LRMDA: variants seen among roughly 807,000 people sequenced by gnomAD.
LRMDA encodes leucine rich melanocyte differentiation associated.
LRMDA carries 18 observed loss-of-function variants against 29.8 expected under a neutral mutation model. That is an observed-to-expected ratio of 0.60 (90% confidence interval 0.42 to 0.90). LRMDA has a LOEUF of 0.90. Ranked by LOEUF, LRMDA falls within the 40% of genes least tolerant of loss-of-function variation. The pLI is 0.00. For synonymous variants in LRMDA, 125 were observed against 109.4 expected (o/e 1.14, Z -0.89); for missense variants, 273 against 273.9 (o/e 1.00, Z 0.02).
intron 6 of LRMDA, among the ~76,000 whole-genome samples, chr10:76,355,397 G>A (rs886068447): frequency 3.3e-5 from 5 of 152,100 alleles, no homozygotes; most frequent in African/African-American, 9.7e-5. Flanking sequence ...AAATTATGGA[G>A]CCCTTTTAAG....
At chr10:76,031,980 ATTC>A (rs1848157493) in intron 2 of LRMDA, among the ~76,000 whole-genome samples, 1 of 152,170 alleles carries the variant, frequency 6.6e-6, no homozygotes, top group South Asian at 2.1e-4. Context: ...GAGAGATCGA[ATTC>A]TTAGCACAGC....
intron 6 of LRMDA, among the ~76,000 whole-genome samples, chr10:76,467,633 C>G (rs1842577236): frequency 6.6e-6 from 1 of 152,060 alleles, no homozygotes; most frequent in Admixed American, 6.6e-5. Context: ...GAATTTCAGC[C>G]TTTGTAATTA....
chr10:76,037,650 A>T (rs1848273844), intron 3 of LRMDA, among the ~76,000 whole-genome samples: 1 of 152,178 alleles, frequency 6.6e-6, no homozygotes, highest in South Asian at 2.1e-4. Context: ...CTTGGTGAAG[A>T]TACTTTCTCA....
At chr10:75,989,072 G>A (rs1847313006) in intron 2 of LRMDA, among the ~76,000 whole-genome samples, 1 of 152,124 alleles carries the variant, frequency 6.6e-6, no homozygotes, top group Non-Finnish European at 1.5e-5. Context: ...CAGGTTGCAT[G>A]CCTTCCATTG....
At chr10:76,153,816 G>A (rs16932910) in intron 5 of LRMDA, among the ~76,000 whole-genome samples, 21,302 of 152,078 alleles carry the variant, frequency 0.14, 1,674 homozygotes, top group East Asian at 0.24. Context: ...GAACAGTCAC[G>A]AAACAAGATA....
intron 2 of LRMDA, among the ~76,000 whole-genome samples, chr10:75,941,313 T>A (rs1846387752): frequency 6.6e-6 from 1 of 152,196 alleles, no homozygotes; most frequent in Non-Finnish European, 1.5e-5. Flanking sequence ...AAATAACTAA[T>A]GACTGTAAAG....
chr10:76,340,796 T>C (rs752038514), intron 6 of LRMDA, among the ~76,000 whole-genome samples: 20 of 151,906 alleles, frequency 1.3e-4, no homozygotes, highest in Non-Finnish European at 7.4e-5. Context: ...GCAATAAAGA[T>C]TGGGGTAAAT....
intron 6 of LRMDA, among the ~76,000 whole-genome samples, chr10:76,533,599 T>C (rs998890634): frequency 1.3e-5 from 2 of 152,196 alleles, no homozygotes; most frequent in South Asian, 2.1e-4. Flanking sequence ...TTTTTAATTT[T>C]CAGTTAAAGG....
At chr10:75,526,868 A>AC (rs1845419813) in intron 2 of LRMDA, among the ~76,000 whole-genome samples, 1 of 152,096 alleles carries the variant, frequency 6.6e-6, no homozygotes, top group Admixed American at 6.5e-5. Flanking sequence ...CAAAAAAAAA[A>AC]AAAACAAAAC....
At chr10:76,117,451 G>GAAAA (rs1564657153) in intron 5 of LRMDA, among the ~76,000 whole-genome samples, 1 of 152,190 alleles carries the variant, frequency 6.6e-6, no homozygotes, top group Non-Finnish European at 1.5e-5. Flanking sequence ...TCCCAGAGTA[G>GAAAA]AGTCCCCATG....
intron 2 of LRMDA, among the ~76,000 whole-genome samples, chr10:75,742,546 C>T (rs1204990224): frequency 6.6e-6 from 1 of 152,186 alleles, no homozygotes; most frequent in Non-Finnish European, 1.5e-5. Context: ...TCATGATAAG[C>T]CACATGGGGA....
chr10:75,622,418 C>T (rs11001442), intron 2 of LRMDA, among the ~76,000 whole-genome samples: 2,046 of 152,272 alleles, frequency 0.013, 37 homozygotes, highest in African/African-American at 0.044. Flanking sequence ...TTCCTCCAAT[C>T]CCCCTTTTGA....
chr10:75,828,877 T>C (rs1844290401), intron 2 of LRMDA, among the ~76,000 whole-genome samples: 1 of 152,196 alleles, frequency 6.6e-6, no homozygotes, highest in African/African-American at 2.4e-5. Flanking sequence ...TTTCTTGTAA[T>C]TTATTCAGCC....
At chr10:76,342,685 A>C (rs1263653131) in intron 6 of LRMDA, among the ~76,000 whole-genome samples, 1 of 152,120 alleles carries the variant, frequency 6.6e-6, no homozygotes, top group African/African-American at 2.4e-5. Context: ...AACAAGAGAA[A>C]ACTAAAATAA....
intron 5 of LRMDA, among the ~76,000 whole-genome samples, chr10:76,312,610 A>G (rs952018562): frequency 5.9e-5 from 9 of 152,098 alleles, no homozygotes; most frequent in African/African-American, 2.2e-4. Context: ...ACAGTCCTAC[A>G]AACCCAGTTG....
chr10:76,173,568 A>G (rs189566383), intron 5 of LRMDA, among the ~76,000 whole-genome samples: 4 of 152,368 alleles, frequency 2.6e-5, no homozygotes, highest in Admixed American at 1.3e-4. Context: ...CTTTATGCCA[A>G]TAAGTTTGAC....
At chr10:76,483,746 G>T (rs1380094978) in intron 6 of LRMDA, among the ~76,000 whole-genome samples, 2 of 149,132 alleles carry the variant, frequency 1.3e-5, no homozygotes, top group African/African-American at 4.9e-5. Context: ...AAAAGCAAAT[G>T]TACAGACTAC....
In LRMDA at chr10:76,167,214, G is replaced by A. The variant is rs12267861; in HGVS notation, c.516+108431G>A. ...TATAGATGCTGGATATTAGACCTTCGTCAGATGCATAGTTTTGCAAATATC... is the reference window on the plus strand; with the variant it reads ...TATAGATGCTGGATATTAGACCTTCATCAGATGCATAGTTTTGCAAATATC... On this transcript the variant is annotated intron_variant, in intron 5 of 6. Coordinates refer to ENST00000611255, the MANE Select transcript of LRMDA (RefSeq NM_001305581.2). Among the ~76,000 whole-genome samples, 1,082 of 152,164 alleles carry A rather than the reference G, an allele frequency of 7.1e-3. 13 individuals are homozygous for A. The highest frequency in any genetic ancestry group is 0.024 in the African/African-American group (997 of 41,518).
chr10:75,659,715 T>A (rs1841725512), intron 2 of LRMDA, among the ~76,000 whole-genome samples: 1 of 152,242 alleles, frequency 6.6e-6, no homozygotes, highest in Non-Finnish European at 1.5e-5. Flanking sequence ...GAGGATCTAA[T>A]ATACAGCATG....
Sources: allele counts gnomAD v4.1 joint callset (sites outside exome capture counted in the v4.1 genomes callset), GRCh38; gene constraint gnomAD v4.1.1; transcripts MANE v1.5; gene names NCBI Gene and HGNC (gene_info 2026-07-23, HGNC 2026-07-21).